The following SNTG2 variants were observed in gnomAD, a reference collection of about 807,000 sequenced individuals.
SNTG2 encodes gamma-2-syntrophin.
In SNTG2, 74 loss-of-function variants were observed where a neutral mutation model predicts 70.9. That is an observed-to-expected ratio of 1.04 (90% confidence interval 0.86 to 1.27). The LOEUF is 1.27. Among genes scored for constraint, SNTG2 ranks in the 50% most tolerant of loss-of-function variants. The pLI, the probability that SNTG2 is intolerant of heterozygous loss-of-function variation, is 0.00. For synonymous variants in SNTG2, 278 were observed against 273.8 expected (o/e 1.02, Z -0.15); for missense variants, 717 against 690.7 (o/e 1.04, Z -0.43).
At chr2:958,510 A>G (rs1660245049) in intron 1 of SNTG2, among the ~76,000 whole-genome samples, 2 of 151,838 alleles carry the variant, frequency 1.3e-5, no homozygotes, top group African/African-American at 4.9e-5. Flanking sequence ...CTGCAAAGAT[A>G]TGACATTTTA....
intron 16 of SNTG2, among the ~76,000 whole-genome samples, chr2:1,324,311 G>A (rs577968339): frequency 6.6e-5 from 10 of 152,278 alleles, no homozygotes; most frequent in Non-Finnish European, 1.2e-4. Flanking sequence ...GTTGCTTATT[G>A]AATCATCTCT....
At chr2:1,052,685 C>T (rs572749224) in intron 1 of SNTG2, among the ~76,000 whole-genome samples, 23 of 152,172 alleles carry the variant, frequency 1.5e-4, no homozygotes, top group Non-Finnish European at 2.5e-4. Context: ...CTGGCCATGT[C>T]GTCCTTTATA....
At chr2:1,104,123 A>G (rs943462842) in intron 4 of SNTG2, among the ~76,000 whole-genome samples, 2 of 152,242 alleles carry the variant, frequency 1.3e-5, no homozygotes, top group Admixed American at 6.5e-5. Context: ...AGGGACAGAC[A>G]TGCAAATGGC....
intron 6 of SNTG2, among the ~76,000 whole-genome samples, chr2:1,154,119 G>A (rs1331086587): frequency 6.6e-6 from 1 of 152,152 alleles, no homozygotes; most frequent in Non-Finnish European, 1.5e-5. Flanking sequence ...AAGAGGGCAG[G>A]GAGCCAACAG....
chr2:1,266,383 A>G (rs61305406), intron 13 of SNTG2, among the ~76,000 whole-genome samples: 2,440 of 152,308 alleles, frequency 0.016, 58 homozygotes, highest in African/African-American at 0.055. Flanking sequence ...AGGCTGCTCC[A>G]TGCAGCACAG....
intron 14 of SNTG2, among the ~76,000 whole-genome samples, chr2:1,277,721 C>T (rs1040126109): frequency 1.3e-5 from 2 of 152,182 alleles, no homozygotes; most frequent in African/African-American, 4.8e-5. Flanking sequence ...GGCTTTTCCA[C>T]GTGATGCCAG....
intron 1 of SNTG2, among the ~76,000 whole-genome samples, chr2:1,072,332 CTTTTCTTTTTCT>C (rs1185446798): frequency 4.6e-4 from 46 of 100,402 alleles, no homozygotes; most frequent in African/African-American, 1.7e-3. Context: ...TTTTCTTTTT[CTTTTCTTTTTCT>C]TTTTCTTTTT....
intron 6 of SNTG2, chr2:1,163,526 GGCCTTCCAACAGGAAGTGGGCGTGTGAA>G (rs1453560739): frequency 1.3e-5 from 2 of 148,838 alleles, no homozygotes; most frequent in Admixed American, 1.3e-4. Flanking sequence ...TGGCATGTGA[GGCCTTCCAACAGGAAGTGGGCGTGTGAA>G]GCCTCCCAAC....
intron 14 of SNTG2, among the ~76,000 whole-genome samples, chr2:1,301,765 A>C (rs1458954886): frequency 6.6e-6 from 1 of 152,206 alleles, no homozygotes; most frequent in Admixed American, 6.5e-5. Flanking sequence ...GTAATTAAAA[A>C]AATTGAAACA....
chr2:1,222,121 C>G (rs1474930118), intron 9 of SNTG2, among the ~76,000 whole-genome samples: 8 of 120,548 alleles, frequency 6.6e-5, no homozygotes, highest in African/African-American at 2.2e-4. Flanking sequence ...CTCTGTCTCT[C>G]TCTGTCTCTC....
intron 16 of SNTG2, among the ~76,000 whole-genome samples, chr2:1,363,179 A>G (rs546077944): frequency 6.7e-6 from 1 of 148,760 alleles, no homozygotes; most frequent in South Asian, 2.2e-4. Context: ...AACAAGAAGT[A>G]CCACAAAAGA....
chr2:1,142,826 A>C (rs1186213549), intron 6 of SNTG2, among the ~76,000 whole-genome samples: 3 of 152,180 alleles, frequency 2.0e-5, no homozygotes, highest in Non-Finnish European at 4.4e-5. Flanking sequence ...GGATTCTACA[A>C]CCCTAAACAC....
chr2:1,341,940 G>C (rs957705403), intron 16 of SNTG2, among the ~76,000 whole-genome samples: 3 of 151,638 alleles, frequency 2.0e-5, no homozygotes, highest in African/African-American at 7.3e-5. Flanking sequence ...CAGACTCCTG[G>C]GCTCAAGCCA....
At chr2:1,052,105 C>G (rs1406776981) in intron 1 of SNTG2, among the ~76,000 whole-genome samples, 1 of 150,924 alleles carries the variant, frequency 6.6e-6, no homozygotes, top group Non-Finnish European at 1.5e-5. Flanking sequence ...TTTATTATAA[C>G]CTTCTTGTTA....
At chr2:961,008 C>A (rs1230182776) in intron 1 of SNTG2, among the ~76,000 whole-genome samples, 2 of 152,340 alleles carry the variant, frequency 1.3e-5, no homozygotes, top group East Asian at 3.9e-4. Context: ...CTGCCAGCTA[C>A]TGTAGATAGT....
chr2:1,041,800 A>T lies in SNTG2; in HGVS notation c.73-41718A>T, dbSNP rs746995774. Among the ~76,000 whole-genome samples the T allele has an allele frequency of 5.1e-4, 77 of 152,262 alleles. 2 individuals are homozygous for T. The highest frequency in any genetic ancestry group is 3.4e-4 in the Non-Finnish European group (23 of 68,012). On this transcript the variant is annotated intron_variant, in intron 1 of 16. Coordinates refer to ENST00000308624, the MANE Select transcript of SNTG2 (RefSeq NM_018968.4). Reference sequence around the variant, plus strand: ...TTTTCCTCATAAACTACCCAGTCTCAGGTATTTCTTTATAGCAAGGCAAGA... The same window carrying T: ...TTTTCCTCATAAACTACCCAGTCTCTGGTATTTCTTTATAGCAAGGCAAGA...
intron 4 of SNTG2, among the ~76,000 whole-genome samples, chr2:1,132,246 TACACACACACACACACATAC>T (rs1668072679): frequency 6.6e-6 from 1 of 151,010 alleles, no homozygotes; most frequent in East Asian, 2.0e-4. Context: ...TGTATATATA[TACACACACACACACACATAC>T]ATACACACAT....
intron 6 of SNTG2, among the ~76,000 whole-genome samples, chr2:1,159,734 C>T (rs1005434938): frequency 2.0e-5 from 3 of 151,932 alleles, no homozygotes; most frequent in Admixed American, 6.6e-5. Flanking sequence ...AATGAAGATG[C>T]GAATTTGTAG....
At chr2:1,051,208 C>T (rs77602058) in intron 1 of SNTG2, among the ~76,000 whole-genome samples, 34,050 of 120,284 alleles carry the variant, frequency 0.28, 4,869 homozygotes, top group Admixed American at 0.41. Flanking sequence ...CTCCCTTCCT[C>T]CCTTCCTTCC....
Sources: allele counts gnomAD v4.1 joint callset (sites outside exome capture counted in the v4.1 genomes callset), GRCh38; gene constraint gnomAD v4.1.1; transcripts MANE v1.5; gene names NCBI Gene and HGNC (gene_info 2026-07-23, HGNC 2026-07-21).